Variants in NCOA2 observed in about 807,000 individuals in gnomAD.
The protein encoded by NCOA2 is class E basic helix-loop-helix protein 75.
Under a neutral mutation model 145.1 loss-of-function variants are expected in NCOA2, and 21 were observed. The ratio of observed to expected loss-of-function variants is 0.14; its 90% CI spans 0.10 to 0.21. The LOEUF (loss-of-function observed/expected upper bound fraction) is 0.21, where lower values mean the gene tolerates loss of function less well. NCOA2 is among the 10% of genes least tolerant of loss of function. The pLI, the probability that NCOA2 is intolerant of heterozygous loss-of-function variation, is 1.00. For missense variants in NCOA2, 1,472 were observed against 1,837.6 expected, an observed-to-expected ratio of 0.80 and a Z score of 3.64; for synonymous variants, 619 against 637.5, an observed-to-expected ratio of 0.97 and a Z score of 0.44.
chr8:70,245,461 T>C (rs1023038172), intron 2 of NCOA2: 17 of 152,088 alleles, frequency 1.1e-4, no homozygotes, highest in African/African-American at 3.6e-4. Context: ...TTTATGATAA[T>C]AGACTGAGTA....
In NCOA2 at chr8:70,121,281, TA is replaced by T. The variant is rs1807774694; in HGVS notation, c.4383+20del. ...TGTTTGCTTTACTTCCATATTCATA[TA>T]TTTCACTGTTCTTTCTTACCCGTGT... is the stretch of plus-strand genomic sequence containing the variant. On this transcript the variant is annotated intron_variant, in intron 22 of 22. Transcript: ENST00000452400. 2 of 1,591,770 alleles carry T rather than the reference TA, an allele frequency of 1.3e-6. No individual in the cohort carries two copies. Among genetic ancestry groups the T allele is most frequent in the East Asian group, 4.5e-5 (2 of 44,692 alleles).
chr8:70,351,819 T>C (rs923156154), intron 1 of NCOA2, among the ~76,000 whole-genome samples: 1 of 149,336 alleles, frequency 6.7e-6, no homozygotes, highest in African/African-American at 2.5e-5. Flanking sequence ...GTTCTCAAAC[T>C]CCTGGCTCAA....
chr8:70,225,988 A>G (rs1168832994), intron 2 of NCOA2, among the ~76,000 whole-genome samples: 1 of 152,208 alleles, frequency 6.6e-6, no homozygotes, highest in Admixed American at 6.5e-5. Context: ...GGCATATAGT[A>G]AGGGCTTATT....
chr8:70,231,881 C>T (rs144926594), intron 2 of NCOA2, among the ~76,000 whole-genome samples: 1 of 152,154 alleles, frequency 6.6e-6, no homozygotes, highest in African/African-American at 2.4e-5. Flanking sequence ...GCAGCTTAAT[C>T]CCCCACAGTT....
intron 1 of NCOA2, among the ~76,000 whole-genome samples, chr8:70,310,485 T>C (rs1280383579): frequency 2.0e-5 from 3 of 152,096 alleles, no homozygotes; most frequent in African/African-American, 7.2e-5. Context: ...TAGTTAACTA[T>C]AGTATATAAT....
chr8:70,263,292 G>A lies in NCOA2; in HGVS notation c.-20+33452C>T, dbSNP rs1023351515. ...CCTGGGCAGGACAGAACAGGATGGC[G>A]GGAAATTTCATCACAATGCCCAGAA... On this transcript the variant is annotated intron_variant, in intron 2 of 22. Transcript: ENST00000452400. Among the ~76,000 whole-genome samples the A allele has an allele frequency of 6.7e-5, 10 of 150,050 alleles. 1 individual carries two copies. Among genetic ancestry groups the A allele is most frequent in the Admixed American group, 2.7e-4 (4 of 14,970 alleles).
At chr8:70,380,931 C>G (rs1170108215) in intron 1 of NCOA2, among the ~76,000 whole-genome samples, 1 of 151,880 alleles carries the variant, frequency 6.6e-6, no homozygotes, top group Non-Finnish European at 1.5e-5. Flanking sequence ...AAAAAATTAA[C>G]CAGGTGTGGT....
At chr8:70,373,078 A>G (rs972100016) in intron 1 of NCOA2, among the ~76,000 whole-genome samples, 1 of 152,210 alleles carries the variant, frequency 6.6e-6, no homozygotes, top group Non-Finnish European at 1.5e-5. Context: ...AGGAACATTC[A>G]TGTAAAAAGT....
chr8:70,335,261 C>A (rs1416235987), intron 1 of NCOA2, among the ~76,000 whole-genome samples: 2 of 150,042 alleles, frequency 1.3e-5, no homozygotes, highest in African/African-American at 4.9e-5. Flanking sequence ...TCCCTTTCTT[C>A]AACTTCCACA....
At chr8:70,287,983 C>T (rs932778989) in intron 2 of NCOA2, among the ~76,000 whole-genome samples, 1 of 152,162 alleles carries the variant, frequency 6.6e-6, no homozygotes, top group African/African-American at 2.4e-5. Flanking sequence ...CCAAAAACTG[C>T]AAATGCCAGA....
At chr8:70,347,914 T>C (rs931924247) in intron 1 of NCOA2, among the ~76,000 whole-genome samples, 1 of 152,212 alleles carries the variant, frequency 6.6e-6, no homozygotes, top group Non-Finnish European at 1.5e-5. Flanking sequence ...TGGAGTAAAC[T>C]TCTTAAGAAG....
the NCOA2 span, among the ~76,000 whole-genome samples, chr8:70,441,804 GA>G: frequency 0.012 from 846 of 68,456 alleles, 6 homozygotes; most frequent in African/African-American, 0.028. Flanking sequence ...AAGAAAGAAA[GA>G]AAGAAAGAAA....
At chr8:70,143,279 A>G (rs1200278088) in intron 13 of NCOA2, among the ~76,000 whole-genome samples, 1 of 151,988 alleles carries the variant, frequency 6.6e-6, no homozygotes, top group African/African-American at 2.4e-5. Flanking sequence ...GCGTGAGAGT[A>G]TTGTATGATC....
At chr8:70,251,875 T>G (rs1021796115) in intron 2 of NCOA2, among the ~76,000 whole-genome samples, 2 of 152,212 alleles carry the variant, frequency 1.3e-5, no homozygotes, top group African/African-American at 4.8e-5. Context: ...TTGTCTCTGG[T>G]TAGACTTTTC....
the NCOA2 span, among the ~76,000 whole-genome samples, chr8:70,411,677 A>G: frequency 6.6e-6 from 1 of 152,246 alleles, no homozygotes; most frequent in Non-Finnish European, 1.5e-5. Context: ...AGCTTCACAC[A>G]ATAACATGTA....
At chr8:70,442,146 AG>A in the NCOA2 span, among the ~76,000 whole-genome samples, 7 of 144,518 alleles carry the variant, frequency 4.8e-5, no homozygotes, top group East Asian at 1.2e-3. Context: ...AAAGAAAGAA[AG>A]AAAGAAAGAA....
intron 1 of NCOA2, among the ~76,000 whole-genome samples, chr8:70,342,436 A>T (rs1472659194): frequency 6.6e-6 from 1 of 152,124 alleles, no homozygotes; most frequent in East Asian, 1.9e-4. Context: ...TAAAACATAA[A>T]AATATTGCCT....
chr8:70,397,308 C>A (rs1405569616), intron 1 of NCOA2, among the ~76,000 whole-genome samples: 1 of 151,976 alleles, frequency 6.6e-6, no homozygotes, highest in Non-Finnish European at 1.5e-5. Context: ...CAAAAATTAT[C>A]TGGGAGTGGT....
intron 2 of NCOA2, among the ~76,000 whole-genome samples, chr8:70,235,822 C>A (rs977512634): frequency 3.9e-5 from 6 of 152,160 alleles, no homozygotes; most frequent in African/African-American, 1.4e-4. Flanking sequence ...CCAGCCTGGA[C>A]AATAGAGTGA....
Sources: allele counts gnomAD v4.1 joint callset (sites outside exome capture counted in the v4.1 genomes callset), GRCh38; gene constraint gnomAD v4.1.1; transcripts MANE v1.5; gene names NCBI Gene and HGNC (gene_info 2026-07-23, HGNC 2026-07-21).